LRRTM3: variants seen among roughly 807,000 people sequenced by gnomAD.
LRRTM3 encodes leucine rich repeat transmembrane neuronal 3.
Under a neutral mutation model 44.7 loss-of-function variants are expected in LRRTM3, and 24 were observed. The ratio of observed to expected loss-of-function variants is 0.54; its 90% CI spans 0.39 to 0.76. The LOEUF (loss-of-function observed/expected upper bound fraction) is 0.76. LRRTM3 is among the 30% of genes least tolerant of loss of function. LRRTM3 has a pLI of 0.00. For missense variants in LRRTM3, 587 were observed against 702.2 expected (o/e 0.84, Z 1.85); for synonymous variants, 277 against 278.7 (o/e 0.99, Z 0.06).
intron 2 of LRRTM3, among the ~76,000 whole-genome samples, chr10:66,994,393 T>G (rs1851212726): frequency 6.6e-6 from 1 of 152,212 alleles, no homozygotes; most frequent in South Asian, 2.1e-4. Flanking sequence ...ATTAGCTCAC[T>G]TAATAAATGG....
At chr10:66,936,972 CTG>C (rs1847741664) in intron 2 of LRRTM3, among the ~76,000 whole-genome samples, 1 of 152,106 alleles carries the variant, frequency 6.6e-6, no homozygotes, top group Non-Finnish European at 1.5e-5. Flanking sequence ...GTAAAGCACT[CTG>C]AAATCATCCT....
chr10:67,089,920 C>A (rs1857530765), intron 2 of LRRTM3, among the ~76,000 whole-genome samples: 1 of 151,996 alleles, frequency 6.6e-6, no homozygotes, highest in Admixed American at 6.6e-5. Flanking sequence ...TGTACTTCTG[C>A]AGCACCTGCC....
At chr10:67,088,265 G>C (rs1213471743) in intron 2 of LRRTM3, among the ~76,000 whole-genome samples, 1 of 151,408 alleles carries the variant, frequency 6.6e-6, no homozygotes, top group Non-Finnish European at 1.5e-5. Context: ...CCCAGAGAAG[G>C]CATTCAGCAA....
chr10:67,079,858 AACACACAC>A (rs199928311), intron 2 of LRRTM3, among the ~76,000 whole-genome samples: 9,318 of 141,252 alleles, frequency 0.066, 344 homozygotes, highest in East Asian at 0.18. Flanking sequence ...AAAAAAACAA[AACACACAC>A]ACACACACAC....
intron 2 of LRRTM3, among the ~76,000 whole-genome samples, chr10:67,050,809 T>A (rs1855045177): frequency 6.6e-6 from 1 of 152,246 alleles, no homozygotes; most frequent in African/African-American, 2.4e-5. Flanking sequence ...TGATTTTTAT[T>A]CAATGGCTCA....
At chr10:66,941,438 T>A (rs1847988484) in intron 2 of LRRTM3, among the ~76,000 whole-genome samples, 1 of 152,294 alleles carries the variant, frequency 6.6e-6, no homozygotes, top group East Asian at 1.9e-4. Context: ...TCAAGGTAAT[T>A]TTAAGTAAAA....
chr10:67,036,979 A>G lies in LRRTM3; in HGVS notation c.1537-60608A>G, dbSNP rs1275234645. On this transcript the variant is annotated intron_variant, in intron 2 of 2. Coordinates refer to ENST00000361320, the MANE Select transcript of LRRTM3 (RefSeq NM_178011.5). ...GTTGACAACCCAAAGGGAGTGACTC[A>G]TTCATCTATTTGAGATGCAGGCGAT... Among the ~76,000 whole-genome samples, 5 of 152,310 alleles carry G rather than the reference A, an allele frequency of 3.3e-5. No homozygotes were observed. The East Asian group carries it at 9.7e-4, about 29-fold the overall frequency.
At position 67,097,682 on chromosome 10, in the gene LRRTM3, C is replaced by G; in HGVS notation, c.1632C>G (p.Ser544=). ...GVHHELLSHK[S]FETNAQEDTM... ...ATCATGAACTTCTCTCCCATAAGTC[C>G]TTTGAAACGAATGCACAGGAAGATA... The change falls in exon 3 of 3, where the codon TCC becomes TCG. Residue 544 remains serine, a synonymous_variant. Coordinates refer to ENST00000361320, the MANE Select transcript of LRRTM3 (RefSeq NM_178011.5). The G allele has an allele frequency of 6.2e-7, 1 of 1,612,678 alleles. No individual in the cohort carries two copies. The highest frequency in any genetic ancestry group is 8.5e-7 in the Non-Finnish European group (1 of 1,179,074).
rs1198865745 is a variant in LRRTM3 at position 66,927,781 on chromosome 10, A to C, written c.865A>C (p.Lys289Gln). 6.2e-7 allele frequency: 1 copy of C among 1,614,214 alleles called. No individual in the cohort carries two copies. The highest frequency in any genetic ancestry group is 8.5e-7 in the Non-Finnish European group (1 of 1,180,040). ...NLQRLNLDSN[K>Q]LTFIGQEILD... is the part of the protein sequence containing the mutation. ...GCAGCGCCTCAACCTGGATTCCAAC[A>C]AGCTCACATTTATTGGTCAAGAGAT... The change falls in exon 2 of 3, where the codon AAG (lysine) becomes CAG (glutamine). Residue 289 changes from lysine (K) to glutamine (Q), a missense_variant. Lys to Gln is a moderately conservative substitution (Grantham distance 53). Coordinates refer to ENST00000361320, the MANE Select transcript of LRRTM3 (RefSeq NM_178011.5). This position sits in a 1 kb window ranked among gnomAD's most constrained non-coding sequence, Gnocchi z 4.7.
At chr10:66,939,026 G>C (rs1417422799) in intron 2 of LRRTM3, among the ~76,000 whole-genome samples, 1 of 152,086 alleles carries the variant, frequency 6.6e-6, no homozygotes, top group Non-Finnish European at 1.5e-5. Flanking sequence ...GATGCATTCT[G>C]AGGCCTCTCC....
At chr10:67,037,719 G>C (rs1854151319) in intron 2 of LRRTM3, among the ~76,000 whole-genome samples, 1 of 152,172 alleles carries the variant, frequency 6.6e-6, no homozygotes, top group African/African-American at 2.4e-5. Flanking sequence ...TGACTAAATA[G>C]GTGTAGGTGG....
intron 2 of LRRTM3, among the ~76,000 whole-genome samples, chr10:67,061,818 T>C (rs1855771234): frequency 6.6e-6 from 1 of 152,170 alleles, no homozygotes; most frequent in African/African-American, 2.4e-5. Context: ...AATTCCTCAT[T>C]GGCAGATAAG....
At chr10:66,946,510 C>T (rs1271306838) in intron 2 of LRRTM3, among the ~76,000 whole-genome samples, 2 of 152,120 alleles carry the variant, frequency 1.3e-5, no homozygotes, top group South Asian at 2.1e-4. Context: ...AACACATCAG[C>T]AGTGTTTCAA....
At chr10:66,970,787 A>G (rs1849676909) in intron 2 of LRRTM3, among the ~76,000 whole-genome samples, 1 of 152,092 alleles carries the variant, frequency 6.6e-6, no homozygotes, top group Non-Finnish European at 1.5e-5. Context: ...GTGATATTTG[A>G]ATTATACCAA....
rs73324999 is a variant in LRRTM3 at position 67,006,255 on chromosome 10, T to A, written c.1536+77803T>A. 7.5e-3 allele frequency among the ~76,000 whole-genome samples: 1,139 copies of A among 152,194 alleles called. 6 individuals carry two copies. The highest frequency in any genetic ancestry group is 0.027 in the African/African-American group (1,101 of 41,538). Reference sequence around the variant, plus strand: ...CTTCTGCCTGATTCCAAAGCTGTACTCTCTTCTCTACATCACACCACTTAA... The same window carrying A: ...CTTCTGCCTGATTCCAAAGCTGTACACTCTTCTCTACATCACACCACTTAA... On this transcript the variant is annotated intron_variant, in intron 2 of 2. Coordinates refer to ENST00000361320, the MANE Select transcript of LRRTM3 (RefSeq NM_178011.5).
intron 2 of LRRTM3, among the ~76,000 whole-genome samples, chr10:66,961,988 T>C (rs1849134143): frequency 6.6e-6 from 1 of 152,190 alleles, no homozygotes; most frequent in Admixed American, 6.5e-5. Flanking sequence ...GCTGTAAATG[T>C]AACTTAAGTC....
At chr10:66,930,962 G>A (rs1419060170) in intron 2 of LRRTM3, among the ~76,000 whole-genome samples, 2 of 152,014 alleles carry the variant, frequency 1.3e-5, no homozygotes, top group East Asian at 1.9e-4. Context: ...TATAATTCTT[G>A]TAGATTTAAT....
intron 2 of LRRTM3, among the ~76,000 whole-genome samples, chr10:66,993,931 G>T (rs542033362): frequency 1.9e-4 from 29 of 152,078 alleles, no homozygotes; most frequent in Non-Finnish European, 2.9e-4. Flanking sequence ...AAGCTCTTTG[G>T]GCAAATGTTT....
rs1858222221 is a variant in LRRTM3 at position 67,099,655 on chromosome 10, T to C, written c.*1859T>C. 1 of 152,168 alleles carries C rather than the reference T, an allele frequency of 6.6e-6. No individual in the cohort carries two copies. The highest frequency in any genetic ancestry group is 6.6e-5 in the Admixed American group (1 of 15,156). The allele number at this position is 152,168 out of a possible 1,614,324, so 9.4% of individuals were successfully genotyped here. A position where few individuals can be genotyped will look rare whatever the true frequency, so the allele number is the denominator to read the frequency against. On this transcript the variant is annotated 3_prime_UTR_variant, in exon 3 of 3. Transcript: ENST00000361320. ...AAGTCAGAAAGAAAAAAGATGTAAA[T>C]GTTGGAAGAAGCAAATTCTATTACT... is the stretch of plus-strand genomic sequence containing the variant.
Sources: allele counts gnomAD v4.1 joint callset (sites outside exome capture counted in the v4.1 genomes callset), GRCh38; gene constraint gnomAD v4.1.1; non-coding constraint Gnocchi (gnomAD v3.1); transcripts MANE v1.5; gene names NCBI Gene and HGNC (gene_info 2026-07-23, HGNC 2026-07-21).